Variants in SH3GL1 observed in about 807,000 individuals in gnomAD.
The protein encoded by SH3GL1 is endophilin-A2.
In SH3GL1, 21 loss-of-function variants were observed where a neutral mutation model predicts 48.8. The ratio of observed to expected loss-of-function variants is 0.43; its 90% confidence interval spans 0.30 to 0.62. The LOEUF is 0.62. Among genes scored for constraint, SH3GL1 ranks in the 20% least tolerant of loss-of-function variants. The pLI, the probability that SH3GL1 is intolerant of heterozygous loss-of-function variation, is 0.11. For missense variants in SH3GL1, 454 were observed against 503.0 expected (o/e 0.90, Z 0.93); for synonymous variants, 282 against 217.5 (o/e 1.30, Z -2.61).
chr19:4,361,269 AGT>A lies in SH3GL1; in HGVS notation c.*329_*330del. On this transcript the variant is annotated 3_prime_UTR_variant, in exon 10 of 10. Transcript: ENST00000269886. ...GTGGGGGCTGCCCCAGAGGAACATT[AGT>A]GTTTCTAAGAGCACCTTAGTGTTGC... The A allele has an allele frequency of 2.5e-6, 1 of 393,442 alleles. No individual in the cohort carries two copies. Among genetic ancestry groups the A allele is most frequent in the Non-Finnish European group, 4.6e-6 (1 of 215,432 alleles). 24.4% of individuals were successfully genotyped at this position (393,442 alleles called of 1,614,324 possible).
intron 1 of SH3GL1, among the ~76,000 whole-genome samples, chr19:4,393,121 C>T (rs1353370743): frequency 1.3e-5 from 2 of 152,058 alleles, no homozygotes; most frequent in South Asian, 4.2e-4. Context: ...ATCAGCTGGG[C>T]GTGGTGGCAC....
At chr19:4,387,364 T>A (rs1349880724) in intron 1 of SH3GL1, among the ~76,000 whole-genome samples, 2 of 152,212 alleles carry the variant, frequency 1.3e-5, no homozygotes, top group Non-Finnish European at 2.9e-5. Flanking sequence ...AGCGGCATGA[T>A]GATAGCTCAC....
chr19:4,384,625 T>A (rs1302904827), intron 1 of SH3GL1, among the ~76,000 whole-genome samples: 1 of 152,126 alleles, frequency 6.6e-6, no homozygotes, highest in Non-Finnish European at 1.5e-5. Flanking sequence ...CTCAGATACA[T>A]GCCACAGGGG....
At chr19:4,373,589 G>A (rs905239714) in intron 1 of SH3GL1, among the ~76,000 whole-genome samples, 41 of 152,314 alleles carry the variant, frequency 2.7e-4, no homozygotes, top group Non-Finnish European at 5.6e-4. Context: ...CCTCTGTGGC[G>A]GGTCAGGCGC....
intron 4 of SH3GL1, among the ~76,000 whole-genome samples, 166 bp downstream of exon 4, chr19:4,365,316 T>C (rs1197955607): frequency 5.9e-5 from 9 of 152,110 alleles, no homozygotes; most frequent in African/African-American, 2.2e-4. Context: ...TGGCCAGTGC[T>C]GGATGGGTTG....
intron 2 of SH3GL1, 106 bp from the exon 3 acceptor site, chr19:4,366,679 C>T: frequency 2.8e-6 from 3 of 1,072,140 alleles, no homozygotes; most frequent in Admixed American, 1.9e-5. Context: ...ATACCAGGAC[C>T]CCCCAACCCC....
At chr19:4,364,884 GTGTGTGTGTGTGTGTATATA>G (rs1346120359) in intron 4 of SH3GL1, among the ~76,000 whole-genome samples, 1 of 87,216 alleles carries the variant, frequency 1.1e-5, no homozygotes, top group East Asian at 2.7e-4. Flanking sequence ...GTGTGTGTGT[GTGTGTGTGTGTGTGTATATA>G]TATATATATA....
intron 1 of SH3GL1, among the ~76,000 whole-genome samples, chr19:4,392,481 C>T (rs1214947182): frequency 6.6e-6 from 1 of 150,492 alleles, no homozygotes; most frequent in Non-Finnish European, 1.5e-5. Flanking sequence ...CTGAGATCGG[C>T]CCGCTGCACT....
In SH3GL1 at chr19:4,380,641, T is replaced by C. The variant is rs371680368; in HGVS notation, c.46-13647A>G. ...CGTCAAACTCATGAATTGTCAACTGTCTTCAGGACAGTCGGCGGTTTTGAA... is the reference window on the plus strand; with the variant it reads ...CGTCAAACTCATGAATTGTCAACTGCCTTCAGGACAGTCGGCGGTTTTGAA... On this transcript the variant is annotated intron_variant, in intron 1 of 9. Coordinates refer to ENST00000269886, the MANE Select transcript of SH3GL1 (RefSeq NM_003025.4). Among the ~76,000 whole-genome samples, 34 of 152,298 alleles carry C rather than the reference T, an allele frequency of 2.2e-4. No homozygotes were observed. The South Asian group carries it at 5.4e-3, about 24-fold the overall frequency.
chr19:4,372,197 C>T (rs1972916709), intron 1 of SH3GL1, among the ~76,000 whole-genome samples: 1 of 152,196 alleles, frequency 6.6e-6, no homozygotes, highest in Non-Finnish European at 1.5e-5. Flanking sequence ...GGTCCAGGCC[C>T]AGCCACCTGC....
chr19:4,364,876 G>A (rs1452393428), intron 4 of SH3GL1, among the ~76,000 whole-genome samples: 1 of 66,910 alleles, frequency 1.5e-5, no homozygotes, highest in Non-Finnish European at 3.4e-5. Context: ...TTGTGTGTGT[G>A]TGTGTGTGTG....
intron 1 of SH3GL1, among the ~76,000 whole-genome samples, chr19:4,370,566 G>A (rs1972878763): frequency 6.6e-6 from 1 of 152,208 alleles, no homozygotes; most frequent in African/African-American, 2.4e-5. Context: ...CAGAGTACCA[G>A]CTGCAAACCC....
Position 4,363,893 on chromosome 19 carries a change from G to T in SH3GL1, c.466-15C>A, listed in dbSNP as rs748791379. On this transcript the variant is annotated splice_polypyrimidine_tract_variant and intron_variant, in intron 5 of 9. Transcript: ENST00000269886. ...TTCAGGTGGTGCTGGAGACGTGGGG[G>T]ACATGGGTCACACCAGTAGCGGCCA... The T allele has an allele frequency of 6.2e-7, 1 of 1,611,826 alleles. No individual in the cohort carries two copies. The highest frequency in any genetic ancestry group is 1.7e-5 in the Admixed American group (1 of 60,032).
At chr19:4,363,290 A>T in intron 7 of SH3GL1, 80 bp downstream of exon 7, 2 of 1,071,248 alleles carry the variant, frequency 1.9e-6, no homozygotes, top group Middle Eastern at 2.8e-4. Flanking sequence ...CTCACCCCAC[A>T]GCGAGGTGTG....
rs1216489321 is a variant in SH3GL1 at position 4,381,515 on chromosome 19, CCT to C, written c.46-14523_46-14522del. Among the ~76,000 whole-genome samples, 27 of 94,284 alleles carry C rather than the reference CCT, an allele frequency of 2.9e-4. No individual in the cohort carries two copies. In the East Asian group the frequency reaches 4.9e-3, roughly 17 times the overall value. The allele number at this position is 94,284 out of a possible 152,430, so 61.9% of individuals were successfully genotyped here. A position where few individuals can be genotyped will look rare whatever the true frequency, so the allele number is the denominator to read the frequency against. On this transcript the variant is annotated intron_variant, in intron 1 of 9. Coordinates refer to ENST00000269886, the MANE Select transcript of SH3GL1 (RefSeq NM_003025.4). Reference sequence around the variant, plus strand: ...CGTTCTCCTGCCTCTGTCTCCCCCGCCTCTCTGTCCCCCTGCTTCTCTGTCTC... The same window carrying C: ...CGTTCTCCTGCCTCTGTCTCCCCCGCCTCTGTCCCCCTGCTTCTCTGTCTC...
In SH3GL1 at chr19:4,362,405, G is replaced by A. The variant is rs1972645032; in HGVS notation, c.854-20C>T. 6.2e-7 allele frequency: 1 copy of A among 1,605,912 alleles called. No homozygotes were observed. The highest frequency in any genetic ancestry group is 8.5e-7 in the Non-Finnish European group (1 of 1,175,860). ...ATGAAGCTAAACACAAGCAAAACGA[G>A]GAGGCTGTGGGCTCAAAACGGTCGG... On this transcript the variant is annotated intron_variant, in intron 8 of 9. Transcript: ENST00000269886.
At position 4,361,240 on chromosome 19, in the gene SH3GL1, G is replaced by A. The variant is rs1482587975; in HGVS notation, c.*360C>T. 5 of 347,888 alleles carry A rather than the reference G, an allele frequency of 1.4e-5. No individual in the cohort carries two copies. Among genetic ancestry groups the A allele is most frequent in the South Asian group, 4.2e-5 (1 of 23,662 alleles). The allele number at this position is 347,888 out of a possible 1,614,324, so 21.6% of individuals were successfully genotyped here. The stretch of plus-strand genomic sequence containing the variant: ...GGCCGGGCCCCCGTCGGGTCAGGAC[G>A]GAGGTGGGGGCTGCCCCAGAGGAAC... On this transcript the variant is annotated 3_prime_UTR_variant, in exon 10 of 10. Coordinates refer to ENST00000269886, the MANE Select transcript of SH3GL1 (RefSeq NM_003025.4).
At position 4,362,662 on chromosome 19, in the gene SH3GL1, G is replaced by A; in HGVS notation, c.803C>T (p.Pro268Leu). 1.2e-6 allele frequency: 2 copies of A among 1,613,966 alleles called. No individual in the cohort carries two copies. The highest frequency in any genetic ancestry group is 1.7e-6 in the Non-Finnish European group (2 of 1,179,950). Residue 268 changes from proline to leucine, a missense_variant, in exon 8 of 10, where the codon CCT (proline) becomes CTT (leucine). By Grantham distance (98) the Pro-to-Leu change is moderately conservative (BLOSUM62 -3). Around this residue, in one of 2 missense-constraint regions of SH3GL1, gnomAD observed 278 missense variants for 246.8 expected, o/e 1.13. Transcript: ENST00000269886. Reference sequence around the variant, plus strand: ...GGGGAAGCCCCCGTTGGACTGCTCAGGCTCTCCAAGGTCAAAGGGCTCCCG... The same window carrying A: ...GGGGAAGCCCCCGTTGGACTGCTCAAGCTCTCCAAGGTCAAAGGGCTCCCG... ...KPREPFDLGE[P>L]EQSNGGFPCT...
rs1973494771 is a variant in SH3GL1 at position 4,400,074 on chromosome 19, C to G, written c.45+250G>C. Among the ~76,000 whole-genome samples the G allele has an allele frequency of 6.6e-6, 1 of 152,152 alleles. No individual in the cohort carries two copies. The highest frequency in any genetic ancestry group is 2.1e-4 in the South Asian group (1 of 4,832). On this transcript the variant is annotated intron_variant, in intron 1 of 9. Transcript: ENST00000269886. The surrounding 1 kb of genome is among the most constrained non-coding windows in gnomAD (Gnocchi z 4.1). ...AGAAGGAGGGGAGAGGTCCGCGTCCCTGGGCAGCCCAGGGTGCCTCTCCCC... is the reference window on the plus strand; with the variant it reads ...AGAAGGAGGGGAGAGGTCCGCGTCCGTGGGCAGCCCAGGGTGCCTCTCCCC...
Sources: gnomAD v4.1 joint callset for allele counts (sites outside exome capture counted in the v4.1 genomes callset) on GRCh38, gnomAD v4.1.1 for gene constraint, gnomAD v4.1.1 regional missense constraint, Gnocchi (gnomAD v3.1) non-coding constraint, MANE v1.5 for transcripts, NCBI Gene and HGNC (gene_info 2026-07-23, HGNC 2026-07-21) for gene names.